RBFOX1: variants seen among roughly 807,000 people sequenced by gnomAD.
RBFOX1 encodes RNA binding fox-1 homolog 1.
Under a neutral mutation model 57.7 loss-of-function variants are expected in RBFOX1, and 8 were observed. That is an observed-to-expected ratio of 0.14 (90% CI 0.08 to 0.25). RBFOX1 has a LOEUF of 0.25. Among genes scored for constraint, RBFOX1 ranks in the 10% least tolerant of loss-of-function variants. The pLI, the probability that RBFOX1 is intolerant of heterozygous loss-of-function variation, is 1.00. For missense variants in RBFOX1, 611 were observed against 548.5 expected, an observed-to-expected ratio of 1.11 and a Z score of -1.14; for synonymous variants, 326 against 222.4, an observed-to-expected ratio of 1.47 and a Z score of -4.15.
At chr16:5,464,812 G>A (rs867002952) in intron 1 of RBFOX1, among the ~76,000 whole-genome samples, 3 of 152,212 alleles carry the variant, frequency 2.0e-5, no homozygotes, top group African/African-American at 7.2e-5. Flanking sequence ...CTTGGAGATT[G>A]TGAAGGGGAG....
intron 3 of RBFOX1, among the ~76,000 whole-genome samples, chr16:6,701,359 G>T (rs1424383707): frequency 6.6e-6 from 1 of 152,196 alleles, no homozygotes; most frequent in East Asian, 1.9e-4. Flanking sequence ...GCATCTCCCT[G>T]TTTACCATCA....
At chr16:7,678,877 T>C (rs910747314) in intron 14 of RBFOX1, among the ~76,000 whole-genome samples, 1 of 152,216 alleles carries the variant, frequency 6.6e-6, no homozygotes, top group African/African-American at 2.4e-5. Context: ...CTTGGATTGG[T>C]GAATCTTTAA....
intron 3 of RBFOX1, among the ~76,000 whole-genome samples, chr16:6,914,575 C>A (rs1206586743): frequency 1.3e-5 from 2 of 149,858 alleles, no homozygotes; most frequent in African/African-American, 5.0e-5. Flanking sequence ...AAAAAAAAAA[C>A]CCAAAACAGG....
intron 2 of RBFOX1, among the ~76,000 whole-genome samples, chr16:5,529,452 A>G (rs1230664990): frequency 6.7e-6 from 1 of 148,330 alleles, no homozygotes; most frequent in African/African-American, 2.5e-5. Context: ...GCTGGAGTGC[A>G]GTGGCATGAT....
At chr16:6,759,396 C>G (rs1239159008) in intron 3 of RBFOX1, among the ~76,000 whole-genome samples, 2 of 151,966 alleles carry the variant, frequency 1.3e-5, no homozygotes, top group Admixed American at 1.3e-4. Context: ...GGTGATCTGC[C>G]TGCCTCAGCC....
At chr16:6,313,471 T>A (rs144639016) in intron 1 of RBFOX1, among the ~76,000 whole-genome samples, 1 of 152,284 alleles carries the variant, frequency 6.6e-6, no homozygotes, top group African/African-American at 2.4e-5. Context: ...AACAGAAACG[T>A]TGCAGTAGCC....
rs546319640 is a variant in RBFOX1, at chr16:5,704,911, C to G, written c.318+105950C>G. The stretch of plus-strand genomic sequence containing the variant: ...GGCTTCTTACATCATGGGGATTTAA[C>G]TACCCTCCTTCAACCAAAAAGTCAT... On this transcript the variant is annotated intron_variant, in intron 3 of 19. Coordinates refer to the RBFOX1 transcript ENST00000641259. Among the ~76,000 whole-genome samples the G allele has an allele frequency of 6.6e-5, 10 of 152,254 alleles. No homozygotes were observed. The East Asian group carries it at 1.9e-3, about 29-fold the overall frequency.
chr16:7,394,668 A>G (rs1300551712), intron 4 of RBFOX1, among the ~76,000 whole-genome samples: 1 of 152,108 alleles, frequency 6.6e-6, no homozygotes, highest in African/African-American at 2.4e-5. Flanking sequence ...CAGTTTACTG[A>G]TCAGGCAGTT....
intron 4 of RBFOX1, among the ~76,000 whole-genome samples, chr16:7,149,444 A>G (rs1002296277): frequency 2.0e-5 from 3 of 150,942 alleles, no homozygotes; most frequent in Non-Finnish European, 2.9e-5. Context: ...GGATTGGTGC[A>G]AGCTTCCTGT....
intron 1 of RBFOX1, among the ~76,000 whole-genome samples, chr16:5,316,122 C>T (rs531353260): frequency 9.2e-5 from 14 of 152,340 alleles, no homozygotes; most frequent in African/African-American, 3.4e-4. Context: ...AGGGCCTTTG[C>T]ATGTGTGGCC....
In RBFOX1 at chr16:5,287,662, C is replaced by T. The variant is rs376605474; in HGVS notation, c.219+47557C>T. Among the ~76,000 whole-genome samples the T allele has an allele frequency of 2.6e-5, 4 of 152,276 alleles. No individual in the cohort carries two copies. The East Asian group carries it at 7.7e-4, about 29-fold the overall frequency. On this transcript the variant is annotated intron_variant, in intron 1 of 2. Coordinates refer to the RBFOX1 transcript ENST00000585867. Reference sequence around the variant, plus strand: ...CTTTGCTCTTGGTGTCTCTTATCTTCCGCTGGAAGCTGCAGGCTGGCCTGG... The same window carrying T: ...CTTTGCTCTTGGTGTCTCTTATCTTTCGCTGGAAGCTGCAGGCTGGCCTGG...
intron 1 of RBFOX1, among the ~76,000 whole-genome samples, chr16:6,082,176 C>CTTTT (rs58215856): frequency 3.0e-4 from 27 of 89,904 alleles, no homozygotes; most frequent in South Asian, 4.1e-4. Context: ...AATACCAGTG[C>CTTTT]TTTTTTTTTT....
intron 4 of RBFOX1, among the ~76,000 whole-genome samples, chr16:5,963,028 C>T (rs972930674): frequency 2.0e-5 from 3 of 152,026 alleles, no homozygotes; most frequent in Non-Finnish European, 4.4e-5. Flanking sequence ...TGGCATTTTA[C>T]TCATTTACGG....
chr16:6,131,619 C>T (rs1597607935), intron 1 of RBFOX1, among the ~76,000 whole-genome samples: 1 of 152,264 alleles, frequency 6.6e-6, no homozygotes, highest in South Asian at 2.1e-4. Context: ...CGGAATTGCT[C>T]CTTTCAAGAT....
chr16:7,659,608 G>A (rs1368595171), intron 12 of RBFOX1, among the ~76,000 whole-genome samples: 2 of 152,140 alleles, frequency 1.3e-5, no homozygotes, highest in Non-Finnish European at 2.9e-5. Flanking sequence ...AGAAAAAAAA[G>A]AATCTCATAA....
intron 4 of RBFOX1, among the ~76,000 whole-genome samples, chr16:7,113,182 T>G (rs1230241453): frequency 6.6e-6 from 1 of 152,190 alleles, no homozygotes; most frequent in Non-Finnish European, 1.5e-5. Context: ...CACAGATACA[T>G]AAATACATTG....
At chr16:6,712,151 A>G (rs1007950871) in intron 3 of RBFOX1, among the ~76,000 whole-genome samples, 2 of 152,232 alleles carry the variant, frequency 1.3e-5, no homozygotes, top group Non-Finnish European at 2.9e-5. Context: ...GATGGAATGT[A>G]GAGGTGCTCA....
intron 4 of RBFOX1, among the ~76,000 whole-genome samples, chr16:7,237,648 T>G (rs911103971): frequency 6.6e-6 from 1 of 152,194 alleles, no homozygotes; most frequent in East Asian, 1.9e-4. Flanking sequence ...CAAGCGTCCA[T>G]GCACAGACAA....
intron 3 of RBFOX1, among the ~76,000 whole-genome samples, chr16:6,912,406 C>A (rs139219082): frequency 1.3e-5 from 2 of 151,948 alleles, no homozygotes; most frequent in African/African-American, 4.8e-5. Flanking sequence ...AACCACGGGG[C>A]TACTGAAATG....
Sources: allele counts gnomAD v4.1 joint callset (sites outside exome capture counted in the v4.1 genomes callset), GRCh38; gene constraint gnomAD v4.1.1; transcripts MANE v1.5; gene names NCBI Gene and HGNC (gene_info 2026-07-23, HGNC 2026-07-21).